Variants in PDLIM5 observed in about 807,000 individuals in gnomAD.
PDLIM5 encodes the protein PDZ and LIM domain 5.
PDLIM5 carries 34 observed loss-of-function variants against 64.2 expected under a neutral mutation model. The observed-to-expected ratio is 0.53, with a 90% CI of 0.40 to 0.71. The LOEUF is 0.71. Among genes scored for constraint, PDLIM5 ranks in the 30% least tolerant of loss-of-function variants. The pLI is 0.00. For missense variants in PDLIM5, 683 were observed against 733.6 expected (o/e 0.93, Z 0.80); for synonymous variants, 253 against 269.1 (o/e 0.94, Z 0.59).
intron 2 of PDLIM5, among the ~76,000 whole-genome samples, chr4:94,498,547 T>C (rs1329665001): frequency 6.6e-6 from 1 of 152,244 alleles, no homozygotes; most frequent in Admixed American, 6.5e-5. Flanking sequence ...ACTGAAATTT[T>C]ACTAATTATT....
chr4:94,523,717 A>C lies in PDLIM5; in HGVS notation c.97-7A>C. ...GTGACACTCCTAATGAAATATATTT[A>C]TTACAGCTAAAAGATGGCGGCAAGG... On this transcript the variant is annotated splice_region_variant and splice_polypyrimidine_tract_variant and intron_variant, in intron 2 of 12. Transcript: ENST00000317968. The C allele has an allele frequency of 6.2e-7, 1 of 1,608,030 alleles. No homozygotes were observed. Among genetic ancestry groups the C allele is most frequent in the African/African-American group, 1.3e-5 (1 of 74,848 alleles).
At chr4:94,631,148 C>T (rs1040190210) in intron 8 of PDLIM5, among the ~76,000 whole-genome samples, 1 of 151,570 alleles carries the variant, frequency 6.6e-6, no homozygotes, top group Non-Finnish European at 1.5e-5. Context: ...AGTGAGCCTC[C>T]TACCTCAGTT....
intron 7 of PDLIM5, among the ~76,000 whole-genome samples, chr4:94,617,384 A>G (rs958979786): frequency 1.3e-5 from 2 of 152,240 alleles, no homozygotes; most frequent in South Asian, 2.1e-4. Flanking sequence ...TTATGAATGC[A>G]TAACACTGGG....
At chr4:94,619,054 C>T (rs1327668866) in intron 8 of PDLIM5, among the ~76,000 whole-genome samples, 1 of 152,176 alleles carries the variant, frequency 6.6e-6, no homozygotes. Flanking sequence ...CCTGGTGGCA[C>T]CTCAAATCCA....
At chr4:94,453,358 A>G (rs1212551273) in intron 1 of PDLIM5, among the ~76,000 whole-genome samples, 3 of 152,208 alleles carry the variant, frequency 2.0e-5, no homozygotes, top group Non-Finnish European at 4.4e-5. Context: ...AGAAGCATCT[A>G]GAAATGAACG....
chr4:94,609,121 CTT>C (rs1164824390), intron 7 of PDLIM5, among the ~76,000 whole-genome samples: 1 of 152,090 alleles, frequency 6.6e-6, no homozygotes, highest in Non-Finnish European at 1.5e-5. Flanking sequence ...GAAAAAGAGA[CTT>C]ATGTCAACCC....
intron 2 of PDLIM5, among the ~76,000 whole-genome samples, chr4:94,490,203 A>T (rs186149198): frequency 1.1e-3 from 174 of 152,152 alleles, no homozygotes; most frequent in African/African-American, 4.0e-3. Context: ...TTTCAAAATA[A>T]TGTAAACATT....
intron 3 of PDLIM5, among the ~76,000 whole-genome samples, chr4:94,541,346 A>G (rs569859779): frequency 5.7e-4 from 87 of 152,370 alleles, no homozygotes; most frequent in South Asian, 3.7e-3. Context: ...CATTTTCTGC[A>G]AACTTACCAC....
chr4:94,614,061 C>CAAG (rs948056406), intron 7 of PDLIM5, among the ~76,000 whole-genome samples: 17 of 147,946 alleles, frequency 1.1e-4, no homozygotes, highest in African/African-American at 3.8e-4. Flanking sequence ...CTCGCGGGTT[C>CAAG]AAGTGATTCT....
chr4:94,472,088 C>T (rs2126093975), intron 2 of PDLIM5, among the ~76,000 whole-genome samples: 1 of 152,084 alleles, frequency 6.6e-6, no homozygotes, highest in East Asian at 1.9e-4. Context: ...CTTCAAAATT[C>T]AATTCTGCTT....
chr4:94,595,732 C>G (rs1737021569), intron 7 of PDLIM5, among the ~76,000 whole-genome samples: 1 of 152,142 alleles, frequency 6.6e-6, no homozygotes, highest in Non-Finnish European at 1.5e-5. Flanking sequence ...ATACTGGTGT[C>G]TTGTGACATA....
At chr4:94,590,441 T>G (rs1305605189) in intron 7 of PDLIM5, among the ~76,000 whole-genome samples, 1 of 152,206 alleles carries the variant, frequency 6.6e-6, no homozygotes, top group Non-Finnish European at 1.5e-5. Flanking sequence ...AATGCATAAT[T>G]GCTGTATATG....
chr4:94,606,614 C>G (rs952209982), intron 7 of PDLIM5, among the ~76,000 whole-genome samples: 2 of 152,174 alleles, frequency 1.3e-5, no homozygotes, highest in African/African-American at 4.8e-5. Flanking sequence ...TCACCTAGAG[C>G]AGGGCTGGAA....
intron 3 of PDLIM5, among the ~76,000 whole-genome samples, chr4:94,544,757 G>T (rs1438781246): frequency 6.6e-6 from 1 of 152,190 alleles, no homozygotes; most frequent in African/African-American, 2.4e-5. Flanking sequence ...TCAGGCTCAA[G>T]TGATTCTCAT....
intron 3 of PDLIM5, among the ~76,000 whole-genome samples, chr4:94,527,396 C>T (rs1434274825): frequency 6.6e-6 from 1 of 152,066 alleles, no homozygotes; most frequent in Non-Finnish European, 1.5e-5. Context: ...GTTCTTCATT[C>T]CACTTCTCAC....
intron 2 of PDLIM5, among the ~76,000 whole-genome samples, chr4:94,462,181 A>G (rs1287082646): frequency 6.6e-6 from 1 of 152,116 alleles, no homozygotes; most frequent in African/African-American, 2.4e-5. Context: ...TTTAGGTAAG[A>G]CATTCATATG....
intron 2 of PDLIM5, 140 bp downstream of exon 2, chr4:94,455,524 A>G (rs1008144103): frequency 1.9e-5 from 13 of 690,896 alleles, no homozygotes; most frequent in South Asian, 3.4e-5. Flanking sequence ...TTGATTATCT[A>G]TAATAAAGGA....
rs577759547 is a variant in PDLIM5 at position 94,457,700 on chromosome 4, T to C, written c.96+2316T>C. Among the ~76,000 whole-genome samples, 9 of 152,298 alleles carry C rather than the reference T, an allele frequency of 5.9e-5. No individual in the cohort carries two copies. The South Asian group carries it at 1.9e-3, about 32-fold the overall frequency. On this transcript the variant is annotated intron_variant, in intron 2 of 12. Coordinates refer to ENST00000317968, the MANE Select transcript of PDLIM5 (RefSeq NM_006457.5). The stretch of plus-strand genomic sequence containing the variant: ...TGTCTTTAAAAAAGTTTCATGTGCT[T>C]CAGTTTCCTGGCAGACAGTTTGAGG...
intron 7 of PDLIM5, among the ~76,000 whole-genome samples, chr4:94,607,572 C>T (rs867418052): frequency 4.6e-5 from 7 of 152,250 alleles, no homozygotes; most frequent in Middle Eastern, 6.8e-3. Flanking sequence ...ACAGACAGAA[C>T]ATTCTGACGT....
Sources: gnomAD v4.1 joint callset for allele counts (sites outside exome capture counted in the v4.1 genomes callset) on GRCh38, gnomAD v4.1.1 for gene constraint, MANE v1.5 for transcripts, NCBI Gene and HGNC (gene_info 2026-07-23, HGNC 2026-07-21) for gene names.